The following ARHGAP9 variants were observed in gnomAD, a reference collection of about 807,000 sequenced individuals.
The protein encoded by ARHGAP9 is rho GTPase-activating protein 9.
ARHGAP9 carries 76 observed loss-of-function variants against 87.3 expected under a neutral mutation model. That is an observed-to-expected ratio of 0.87 (90% confidence interval 0.72 to 1.05). The LOEUF is 1.05. Among genes scored for constraint, ARHGAP9 ranks in the 50% least tolerant of loss-of-function variants. ARHGAP9 has a pLI of 0.00. For missense variants in ARHGAP9, 941 were observed against 960.5 expected (o/e 0.98, Z 0.27); for synonymous variants, 382 against 394.9 (o/e 0.97, Z 0.39).
At chr12:57,483,776 A>C, upstream of ARHGAP9, 1 of 371,822 alleles carries the variant, frequency 2.7e-6, no homozygotes, top group Non-Finnish European at 5.5e-6. Flanking sequence ...GTGATGGCTC[A>C]CACCTGTAAA....
chr12:57,475,652 GAGAGA>G, intron 10 of ARHGAP9, 37 bp from the exon 11 acceptor site: 4 of 1,597,594 alleles, frequency 2.5e-6, no homozygotes, highest in Non-Finnish European at 3.4e-6. Context: ...GGTGAGAGAG[GAGAGA>G]AATCTGTATC....
chr12:57,484,407 G>T (rs1272981823), upstream of ARHGAP9, among the ~76,000 whole-genome samples: 1 of 151,420 alleles, frequency 6.6e-6, no homozygotes, highest in African/African-American at 2.4e-5. Context: ...TAGGAGGTAC[G>T]ATGGCAGGCT....
chr12:57,476,829 G>GGC, intron 6 of ARHGAP9, 42 bp downstream of exon 6: 3 of 1,227,680 alleles, frequency 2.4e-6, no homozygotes, highest in Non-Finnish European at 3.5e-6. Context: ...GGGAGGGGGG[G>GGC]CAGGGAGGAT....
rs765109928 is a variant in ARHGAP9 at position 57,477,530 on chromosome 12, G to A, written c.685C>T (p.Arg229Cys). ...WEQHLDPNSG[R>C]CFYINSLTGC... ...GTCAGTGAATTTATGTAGAAGCAGC[G>A]TCCAGAGTTGGGGTCCAGGTGCTGC... Residue 229 changes from arginine (R) to cysteine (C), a missense_variant, in exon 4 of 18, where the codon CGC (arginine) becomes TGC (cysteine). Arg to Cys is a radical substitution (Grantham distance 180). Transcript: ENST00000393791. 82 of 1,613,920 alleles carry A rather than the reference G, an allele frequency of 5.1e-5. No individual in the cohort carries two copies. Among genetic ancestry groups the A allele is most frequent in the Non-Finnish European group, 6.2e-5 (73 of 1,179,998 alleles).
At chr12:57,486,801 C>T (rs1875447036) in intron 1 of ARHGAP9, among the ~76,000 whole-genome samples, 1 of 146,714 alleles carries the variant, frequency 6.8e-6, no homozygotes, top group South Asian at 2.2e-4. Context: ...AGGAGAATGG[C>T]GTGAACCCCG....
chr12:57,475,092 G>T, intron 12 of ARHGAP9, 119 bp from the exon 13 acceptor site: 2 of 1,200,584 alleles, frequency 1.7e-6, no homozygotes, highest in Non-Finnish European at 2.3e-6. Context: ...CCAGGCCTGG[G>T]CAAGGAAATA....
chr12:57,477,047 G>A, intron 5 of ARHGAP9, 84 bp from the exon 6 acceptor site: 1 of 1,515,116 alleles, frequency 6.6e-7, no homozygotes, highest in Non-Finnish European at 9.2e-7. Flanking sequence ...GTGGGATACG[G>A]GTGAGAGGTG....
intron 1 of ARHGAP9, chr12:57,488,280 A>G (rs1464591565): frequency 3.0e-6 from 4 of 1,355,486 alleles, no homozygotes; most frequent in Non-Finnish European, 4.1e-6. Flanking sequence ...GTCTTTGCCA[A>G]ACCCCTAGCC....
intron 1 of ARHGAP9, 28 bp from the exon 2 acceptor site, chr12:57,479,452 C>A (rs1244161660): frequency 6.3e-7 from 1 of 1,591,742 alleles, no homozygotes; most frequent in Non-Finnish European, 8.5e-7. Flanking sequence ...ACTGGAGACC[C>A]AGAAGGGAAT....
Position 57,475,887 on chromosome 12 carries a change from G to C in ARHGAP9, c.1257C>G (p.His419Gln), listed in dbSNP as rs762552816. 5.0e-6 allele frequency: 8 copies of C among 1,613,892 alleles called. No individual in the cohort carries two copies. The Middle Eastern group carries it at 6.6e-4, about 133-fold the overall frequency. Residue 419 changes from histidine (H) to glutamine (Q), a missense_variant, in exon 10 of 18, where the codon CAC becomes CAG. Transcript: ENST00000393791. ...PGHEFLLQSD[H>Q]ETELRAWHRA... Reference sequence around the variant, plus strand: ...GGTGCCAGGCTCGCAGCTCTGTCTCGTGGTCCGACTGCAGCAGGAACTCGT... The same window carrying C: ...GGTGCCAGGCTCGCAGCTCTGTCTCCTGGTCCGACTGCAGCAGGAACTCGT...
intron 1 of ARHGAP9, among the ~76,000 whole-genome samples, chr12:57,486,902 A>G (rs1200214978): frequency 6.6e-6 from 1 of 150,424 alleles, no homozygotes; most frequent in African/African-American, 2.4e-5. Context: ...AAAAAAAAAA[A>G]AGAGATGCTC....
chr12:57,487,982 G>A, intron 1 of ARHGAP9: 1 of 827,242 alleles, frequency 1.2e-6, no homozygotes. Flanking sequence ...AGCGGTGCCA[G>A]GGCAGTGGCC....
At chr12:57,477,116 G>T in intron 5 of ARHGAP9, 40 bp downstream of exon 5, 1 of 1,600,708 alleles carries the variant, frequency 6.2e-7, no homozygotes, top group Non-Finnish European at 8.6e-7. Context: ...TAACAAGCTG[G>T]CTTTTTCTGC....
chr12:57,474,309 A>G, intron 15 of ARHGAP9, 114 bp downstream of exon 15: 12 of 1,574,542 alleles, frequency 7.6e-6, no homozygotes, highest in African/African-American at 1.3e-5. Context: ...GGGGCAAGGT[A>G]GCTAAGGTGG....
At chr12:57,485,198 C>A (rs1444601267) in intron 1 of ARHGAP9, among the ~76,000 whole-genome samples, 3 of 151,970 alleles carry the variant, frequency 2.0e-5, no homozygotes, top group African/African-American at 7.2e-5. Context: ...TTGTCCACCT[C>A]GGCCTCCCAA....
rs754786453 is a variant in ARHGAP9, at chr12:57,476,977, T to C, written c.871-14A>G. On this transcript the variant is annotated splice_polypyrimidine_tract_variant and intron_variant, in intron 5 of 17. Transcript: ENST00000393791. ...GCTGAGTGAACCCTAGGGGAGAGGA[T>C]TGGAGAAACAGGTGGGGAAACGCTC... The C allele has an allele frequency of 3.7e-6, 6 of 1,607,224 alleles. No individual in the cohort carries two copies. In the East Asian group the frequency reaches 9.0e-5, roughly 24 times the overall value.
chr12:57,476,224 C>G (rs1030526394), intron 8 of ARHGAP9, 58 bp from the exon 9 acceptor site: 2 of 1,500,074 alleles, frequency 1.3e-6, no homozygotes, highest in Non-Finnish European at 1.8e-6. Context: ...GCTTCCCTCT[C>G]CCCGGTGGGC....
upstream of ARHGAP9, among the ~76,000 whole-genome samples, chr12:57,484,719 A>G (rs1338770087): frequency 6.6e-6 from 1 of 152,192 alleles, no homozygotes; most frequent in Non-Finnish European, 1.5e-5. Flanking sequence ...ATCCCGGCTC[A>G]CTGCAACCTC....
chr12:57,485,977 C>CA (rs1458487828), intron 1 of ARHGAP9, among the ~76,000 whole-genome samples: 3 of 152,062 alleles, frequency 2.0e-5, no homozygotes, highest in Non-Finnish European at 4.4e-5. Context: ...CATGGCAGCT[C>CA]AAAGTGGTAG....
Sources: gnomAD v4.1 joint callset for allele counts (sites outside exome capture counted in the v4.1 genomes callset) on GRCh38, gnomAD v4.1.1 for gene constraint, MANE v1.5 for transcripts, NCBI Gene and HGNC (gene_info 2026-07-23, HGNC 2026-07-21) for gene names.